IWS1: variants seen among roughly 807,000 people sequenced by gnomAD.
The protein encoded by IWS1 is interacts with SUPT6H, CTD assembly factor 1, also known as protein IWS1 homolog.
In IWS1, 27 loss-of-function variants were observed where a neutral mutation model predicts 86.7. The observed-to-expected ratio is 0.31, with a 90% CI of 0.23 to 0.43. The LOEUF (loss-of-function observed/expected upper bound fraction) is 0.43. Ranked by LOEUF, IWS1 falls within the 20% of genes least tolerant of loss-of-function variation. IWS1 has a pLI of 1.00. For synonymous variants in IWS1, 313 were observed against 335.1 expected, an observed-to-expected ratio of 0.93 and a Z score of 0.72; for missense variants, 827 against 1,000.8, an observed-to-expected ratio of 0.83 and a Z score of 2.34.
intron 2 of IWS1, among the ~76,000 whole-genome samples, chr2:127,518,228 T>C (rs1691881642): frequency 6.6e-6 from 1 of 152,168 alleles, no homozygotes; most frequent in Non-Finnish European, 1.5e-5. Flanking sequence ...AATAGAGCCC[T>C]TTTTTGGGCC....
chr2:127,491,303 T>C lies in IWS1; in HGVS notation c.2047+668A>G, dbSNP rs796204665. On this transcript the variant is annotated intron_variant, in intron 10 of 13. Transcript: ENST00000295321. The stretch of plus-strand genomic sequence containing the variant: ...TTATCTCAACTTTACAGAGCACAAA[T>C]CACTAGCTAAGGAAATGCAGTAAGG... Among the ~76,000 whole-genome samples the C allele has an allele frequency of 5.9e-5, 9 of 152,312 alleles. 1 individual carries two copies. The highest frequency in any genetic ancestry group is 2.2e-4 in the African/African-American group (9 of 41,554).
rs574113731 is a variant in IWS1, at chr2:127,508,408, T to C, written c.151-2656A>G. On this transcript the variant is annotated intron_variant, in intron 2 of 13. Coordinates refer to ENST00000295321, the MANE Select transcript of IWS1 (RefSeq NM_017969.3). The stretch of plus-strand genomic sequence containing the variant: ...TTGCATGCAGTTTGTGATGGCTGAG[T>C]TAAGACGGGAGGGTGGGGAGAGGCA... Among the ~76,000 whole-genome samples the C allele has an allele frequency of 1.8e-4, 28 of 152,262 alleles. No homozygotes were observed. In the South Asian group the frequency reaches 5.8e-3, roughly 32 times the overall value.
intron 2 of IWS1, among the ~76,000 whole-genome samples, chr2:127,515,278 T>C (rs954974330): frequency 2.0e-5 from 3 of 152,202 alleles, no homozygotes; most frequent in Non-Finnish European, 4.4e-5. Flanking sequence ...AGCATTTCAT[T>C]TAATGCCCAG....
At position 127,505,042 on chromosome 2, in the gene IWS1, A is replaced by C; in HGVS notation, c.861T>G (p.Ser287Arg). Residue 287 changes from serine (S) to arginine (R), a missense_variant, in exon 3 of 14, where the codon AGT becomes AGG. Physicochemically the swap from Ser to Arg is moderately radical, Grantham distance 110 (BLOSUM62 -1). Transcript: ENST00000295321. This position sits in a 1 kb window ranked among gnomAD's most constrained non-coding sequence, Gnocchi z 5.0. ...TGGGTAGCTCCTCATTTTCCGAATCACTGGCCTGGTTCCTTGGGGGATCCT... is the reference window on the plus strand; with the variant it reads ...TGGGTAGCTCCTCATTTTCCGAATCCCTGGCCTGGTTCCTTGGGGGATCCT... ...ESEDPPRNQA[S>R]DSENEELPKP... 6.2e-7 allele frequency: 1 copy of C among 1,612,466 alleles called. No homozygotes were observed. The highest frequency in any genetic ancestry group is 8.5e-7 in the Non-Finnish European group (1 of 1,179,536).
Position 127,490,074 on chromosome 2 carries a change from C to T in IWS1, c.2048-131G>A, listed in dbSNP as rs553324686. ...TCTTTCCTTGAAGAGTCCATTATTT[C>T]AGAGTAATTTATAGGATAAACAAAG... On this transcript the variant is annotated intron_variant, in intron 10 of 13. Coordinates refer to ENST00000295321, the MANE Select transcript of IWS1 (RefSeq NM_017969.3). 2.2e-3 allele frequency: 1,422 copies of T among 646,210 alleles called. 21 individuals carry two copies. The South Asian group carries it at 0.025, about 11-fold the overall frequency. The allele number at this position is 646,210 out of a possible 1,614,324, so 40.0% of individuals were successfully genotyped here.
At chr2:127,502,586 G>A (rs1056343715) in intron 5 of IWS1, 8 of 337,552 alleles carry the variant, frequency 2.4e-5, no homozygotes, top group African/African-American at 1.7e-4. Context: ...GACTTTCTTT[G>A]TCTCAAAGTG....
Position 127,505,566 on chromosome 2 carries a change from C to T in IWS1, c.337G>A (p.Val113Ile), listed in dbSNP as rs1207420785. The T allele has an allele frequency of 3.1e-6, 5 of 1,613,880 alleles. No individual in the cohort carries two copies. The highest frequency in any genetic ancestry group is 1.7e-5 in the Admixed American group (1 of 59,982). Reference sequence around the variant, plus strand: ...TCAGAGTCGCTCCCATGCTGATTGACATCCTCATTTTCAGAATCGCTTGCA... The same window carrying T: ...TCAGAGTCGCTCCCATGCTGATTGATATCCTCATTTTCAGAATCGCTTGCA... ...PPASDSENED[V>I]NQHGSDSESE... Residue 113 changes from valine to isoleucine, a missense_variant, in exon 3 of 14, where the codon GTC becomes ATC. By Grantham distance (29) the Val-to-Ile change is conservative. Transcript: ENST00000295321. This position sits in a 1 kb window ranked among gnomAD's most constrained non-coding sequence, Gnocchi z 5.0.
intron 12 of IWS1, among the ~76,000 whole-genome samples, chr2:127,488,308 C>T (rs1690043373): frequency 6.6e-6 from 1 of 152,328 alleles, no homozygotes; most frequent in South Asian, 2.1e-4. Flanking sequence ...AAGTTCTAGA[C>T]CCATAATATT....
chr2:127,495,101 A>C, intron 7 of IWS1, 147 bp from the exon 8 acceptor site: 1 of 557,234 alleles, frequency 1.8e-6, no homozygotes, highest in Admixed American at 3.4e-5. Flanking sequence ...GATCTTCTGC[A>C]GAGCACCAAG....
At chr2:127,495,658 G>T (rs963505806) in intron 7 of IWS1, among the ~76,000 whole-genome samples, 2 of 152,184 alleles carry the variant, frequency 1.3e-5, no homozygotes, top group African/African-American at 4.8e-5. Context: ...TTGATCAGGA[G>T]CAAGAGAACG....
intron 4 of IWS1, 99 bp from the exon 5 acceptor site, chr2:127,502,971 AG>A: frequency 1.4e-6 from 1 of 702,954 alleles, no homozygotes; most frequent in Non-Finnish European, 2.5e-6. Context: ...TAAAATGTGC[AG>A]ATCTTCAGTG....
At chr2:127,494,065 G>C (rs1690378863) in intron 8 of IWS1, among the ~76,000 whole-genome samples, 1 of 151,692 alleles carries the variant, frequency 6.6e-6, no homozygotes, top group South Asian at 2.1e-4. Flanking sequence ...GTAGGCTGTG[G>C]CTTAGTTCAA....
At chr2:127,491,837 T>G in intron 10 of IWS1, 134 bp downstream of exon 10, 1 of 639,574 alleles carries the variant, frequency 1.6e-6, no homozygotes, top group Admixed American at 2.5e-5. Context: ...CTGTAAGAAG[T>G]TATTCAAAAA....
chr2:127,491,851 C>T, intron 10 of IWS1, 120 bp downstream of exon 10: 1 of 666,652 alleles, frequency 1.5e-6, no homozygotes. Flanking sequence ...TCAAAAATTT[C>T]TATTCCACTT....
At position 127,494,831 on chromosome 2, in the gene IWS1, T is replaced by C. The variant is rs148683684; in HGVS notation, c.1799+41A>G. ...GTACATCATTTGAATTATCATTCCA[T>C]GAAAAGGAAAAAGACATTTTAAAGA... On this transcript the variant is annotated intron_variant, in intron 8 of 13. Transcript: ENST00000295321. 1.7e-3 allele frequency: 1,980 copies of C among 1,165,532 alleles called. 35 individuals are homozygous for C. In the African/African-American group the frequency reaches 0.028, roughly 16 times the overall value. 72.2% of individuals were successfully genotyped at this position (1,165,532 alleles called of 1,614,324 possible).
chr2:127,522,055 GAATGTTTA>G (rs1301758740), intron 2 of IWS1, among the ~76,000 whole-genome samples: 2 of 152,236 alleles, frequency 1.3e-5, no homozygotes, highest in Non-Finnish European at 2.9e-5. Flanking sequence ...AATTTATTCT[GAATGTTTA>G]AAAGCACAGA....
In IWS1 at chr2:127,505,483, A is replaced by G. The variant is rs760459445; in HGVS notation, c.420T>C (p.Asn140=). Residue 140 remains asparagine, a synonymous_variant, in exon 3 of 14, where the codon AAT becomes AAC. Transcript: ENST00000295321. The surrounding 1 kb of genome is among the most constrained non-coding windows in gnomAD (Gnocchi z 5.0). Reference sequence around the variant, plus strand: ...CGTTTTCTGAGTCACTTGCATGCCCATTAAGAAGTTCCTCATTTTCAGAGT... The same window carrying G: ...CGTTTTCTGAGTCACTTGCATGCCCGTTAAGAAGTTCCTCATTTTCAGAGT... ...GSDSENEELL[N]GHASDSENED... The G allele has an allele frequency of 5.0e-6, 8 of 1,613,920 alleles. No individual in the cohort carries two copies. Among genetic ancestry groups the G allele is most frequent in the Non-Finnish European group, 6.8e-6 (8 of 1,180,006 alleles).
intron 10 of IWS1, among the ~76,000 whole-genome samples, chr2:127,491,723 G>A (rs539479257): frequency 5.3e-5 from 8 of 152,138 alleles, no homozygotes; most frequent in African/African-American, 1.4e-4. Context: ...GATTACAGGC[G>A]TTAAGCCACC....
At chr2:127,507,550 G>A (rs116818815) in intron 2 of IWS1, among the ~76,000 whole-genome samples, 1 of 152,154 alleles carries the variant, frequency 6.6e-6, no homozygotes, top group Non-Finnish European at 1.5e-5. Context: ...ACGGTATTAG[G>A]ACTTGAGAGA....
Sources: gnomAD v4.1 joint callset for allele counts (sites outside exome capture counted in the v4.1 genomes callset) on GRCh38, gnomAD v4.1.1 for gene constraint, Gnocchi (gnomAD v3.1) non-coding constraint, MANE v1.5 for transcripts, NCBI Gene and HGNC (gene_info 2026-07-23, HGNC 2026-07-21) for gene names.